The following RGL1 variants were observed in gnomAD, a reference collection of about 807,000 sequenced individuals.
RGL1 encodes ral guanine nucleotide dissociation stimulator like 1.
Under a neutral mutation model 95.2 loss-of-function variants are expected in RGL1, and 24 were observed. That is an observed-to-expected ratio of 0.25 (90% CI 0.18 to 0.35). The LOEUF (loss-of-function observed/expected upper bound fraction) is 0.35, where lower values mean the gene tolerates loss of function less well. Ranked by LOEUF, RGL1 falls within the 10% of genes least tolerant of loss-of-function variation. The pLI is 1.00. For missense variants in RGL1, 715 were observed against 936.3 expected, an observed-to-expected ratio of 0.76 and a Z score of 3.08; for synonymous variants, 329 against 344.9, an observed-to-expected ratio of 0.95 and a Z score of 0.51.
intron 1 of RGL1, among the ~76,000 whole-genome samples, chr1:183,686,658 A>G (rs968017125): frequency 2.0e-5 from 3 of 152,184 alleles, no homozygotes; most frequent in Non-Finnish European, 2.9e-5. Context: ...GTTAGCTAAC[A>G]TGTGACTAGC....
At chr1:183,871,751 C>T (rs1251685560) in intron 4 of RGL1, among the ~76,000 whole-genome samples, 1 of 152,206 alleles carries the variant, frequency 6.6e-6, no homozygotes, top group Non-Finnish European at 1.5e-5. Context: ...TGGACCACAA[C>T]CGACTAGTGT....
chr1:183,764,242 G>A (rs1046547994), intron 2 of RGL1, among the ~76,000 whole-genome samples: 8 of 152,212 alleles, frequency 5.3e-5, no homozygotes, highest in African/African-American at 1.9e-4. Context: ...CCAAGGAGAT[G>A]AGAGACCAGT....
intron 4 of RGL1, among the ~76,000 whole-genome samples, chr1:183,870,701 G>A (rs886493912): frequency 5.3e-5 from 8 of 152,142 alleles, no homozygotes; most frequent in South Asian, 2.1e-4. Context: ...GACCTTAAAT[G>A]TCAATAGTGC....
At chr1:183,766,482 T>C (rs1001749507) in intron 2 of RGL1, among the ~76,000 whole-genome samples, 1 of 152,222 alleles carries the variant, frequency 6.6e-6, no homozygotes, top group Non-Finnish European at 1.5e-5. Flanking sequence ...ATTAAAACTT[T>C]GTACCCATAT....
chr1:183,683,756 G>A (rs1653381440), intron 1 of RGL1, among the ~76,000 whole-genome samples: 1 of 152,220 alleles, frequency 6.6e-6, no homozygotes, highest in South Asian at 2.1e-4. Flanking sequence ...ATCCTGAAGA[G>A]TGTTTTCCAA....
chr1:183,668,739 G>T (rs181958134), intron 1 of RGL1, among the ~76,000 whole-genome samples: 21 of 151,912 alleles, frequency 1.4e-4, no homozygotes, highest in Non-Finnish European at 2.6e-4. Context: ...CTGTGGATTG[G>T]TGTCTAACAT....
At chr1:183,782,736 A>G (rs914802265) in intron 2 of RGL1, among the ~76,000 whole-genome samples, 1 of 152,220 alleles carries the variant, frequency 6.6e-6, no homozygotes, top group Non-Finnish European at 1.5e-5. Flanking sequence ...TTGCTGTCAT[A>G]TTTTCTAAAG....
At position 183,925,551 on chromosome 1, in the gene RGL1, T is replaced by A. The variant is rs190326641; in HGVS notation, c.2120-554T>A. Among the ~76,000 whole-genome samples, 453 of 152,118 alleles carry A rather than the reference T, an allele frequency of 3.0e-3. 4 individuals carry two copies. The highest frequency in any genetic ancestry group is 9.7e-3 in the African/African-American group (401 of 41,494). ...CCCAAAACTTAAAGTAAAATTTTTT[T>A]AAAAAAATATACATACTTTCCTACA... is the stretch of plus-strand genomic sequence containing the variant. On this transcript the variant is annotated intron_variant, in intron 17 of 17. Coordinates refer to ENST00000360851, the MANE Select transcript of RGL1 (RefSeq NM_001297671.3).
At chr1:183,746,622 AT>A (rs71130633) in intron 2 of RGL1, among the ~76,000 whole-genome samples, 27,582 of 143,962 alleles carry the variant, frequency 0.19, 3,467 homozygotes, top group African/African-American at 0.37. Flanking sequence ...GTATACATGT[AT>A]TTTTTTTTTT....
intron 1 of RGL1, among the ~76,000 whole-genome samples, chr1:183,677,689 G>A (rs567487103): frequency 1.2e-4 from 18 of 152,164 alleles, no homozygotes; most frequent in Non-Finnish European, 2.5e-4. Context: ...CCTTTATTAT[G>A]TGCAAACAAA....
At chr1:183,759,378 C>A (rs549307503) in intron 2 of RGL1, among the ~76,000 whole-genome samples, 11 of 152,178 alleles carry the variant, frequency 7.2e-5, no homozygotes, top group African/African-American at 2.7e-4. Context: ...TAGTACCTGG[C>A]CCTGGGATGA....
chr1:183,821,923 T>A (rs1286785490), intron 2 of RGL1, among the ~76,000 whole-genome samples: 1 of 152,196 alleles, frequency 6.6e-6, no homozygotes, highest in Admixed American at 6.5e-5. Flanking sequence ...AGGTCCTCCC[T>A]GCATCATATC....
At chr1:183,896,883 T>C (rs1355893987) in intron 9 of RGL1, among the ~76,000 whole-genome samples, 1 of 152,196 alleles carries the variant, frequency 6.6e-6, no homozygotes, top group Non-Finnish European at 1.5e-5. Context: ...GTTCCAAACC[T>C]GAGAGGCAAT....
chr1:183,745,864 G>C (rs759429812), intron 2 of RGL1, among the ~76,000 whole-genome samples: 111 of 152,104 alleles, frequency 7.3e-4, no homozygotes, highest in Admixed American at 5.2e-3. Context: ...CTGATTTGGA[G>C]AGTATCAACA....
intron 16 of RGL1, 113 bp from the exon 17 acceptor site, chr1:183,922,109 G>A (rs1015075163): frequency 1.6e-5 from 13 of 831,394 alleles, no homozygotes; most frequent in South Asian, 9.6e-5. Context: ...CCACGAGTCC[G>A]TTCTTTCTGG....
chr1:183,735,697 A>G (rs1298808467), intron 1 of RGL1, among the ~76,000 whole-genome samples: 1 of 152,232 alleles, frequency 6.6e-6, no homozygotes, highest in Non-Finnish European at 1.5e-5. Context: ...AGCAACATTT[A>G]GTATTACTAC....
At chr1:183,637,267 G>A (rs59041516) in intron 1 of RGL1, among the ~76,000 whole-genome samples, 19,557 of 152,134 alleles carry the variant, frequency 0.13, 1,828 homozygotes, top group African/African-American at 0.26. Context: ...ATTTCTTAAT[G>A]ATATATGGTG....
chr1:183,848,006 T>A (rs1664560037), intron 3 of RGL1, among the ~76,000 whole-genome samples: 1 of 152,220 alleles, frequency 6.6e-6, no homozygotes, highest in Admixed American at 6.5e-5. Flanking sequence ...TGAGAGTGGA[T>A]ACCTTAAATC....
intron 1 of RGL1, among the ~76,000 whole-genome samples, chr1:183,659,576 T>A (rs1188397610): frequency 1.3e-5 from 2 of 152,142 alleles, no homozygotes; most frequent in East Asian, 3.9e-4. Flanking sequence ...CAAATCTACG[T>A]CTGATTGGTG....
Sources: gnomAD v4.1 joint callset for allele counts (sites outside exome capture counted in the v4.1 genomes callset) on GRCh38, gnomAD v4.1.1 for gene constraint, MANE v1.5 for transcripts, NCBI Gene and HGNC (gene_info 2026-07-23, HGNC 2026-07-21) for gene names.